The following DST variants were observed in gnomAD, a reference collection of about 807,000 sequenced individuals.
The protein encoded by DST is bullous pemphigoid antigen.
In DST, 253 loss-of-function variants were observed where a neutral mutation model predicts 875.2. The ratio of observed to expected loss-of-function variants is 0.29; its 90% CI spans 0.26 to 0.32. DST has a LOEUF of 0.32. Ranked by LOEUF, DST falls within the 10% of genes least tolerant of loss-of-function variation. The pLI is 1.00. For synonymous variants in DST, 3,124 were observed against 3,197.1 expected, an observed-to-expected ratio of 0.98 and a Z score of 0.77; for missense variants, 8,287 against 9,111.6, an observed-to-expected ratio of 0.91 and a Z score of 3.68.
At chr6:56,797,806 G>A (rs1364191755) in intron 4 of DST, among the ~76,000 whole-genome samples, 1 of 115,862 alleles carries the variant, frequency 8.6e-6, no homozygotes, top group East Asian at 2.7e-4. Flanking sequence ...TGACAAGAGC[G>A]AAACTCCGTC....
intron 2 of DST, among the ~76,000 whole-genome samples, chr6:56,948,031 A>T (rs1200938781): frequency 6.6e-6 from 1 of 152,042 alleles, no homozygotes; most frequent in Non-Finnish European, 1.5e-5. Context: ...TATGTTTTCT[A>T]TTCATGTCTT....
At chr6:56,667,650 A>G (rs1414187661) in intron 10 of DST, among the ~76,000 whole-genome samples, 1 of 152,198 alleles carries the variant, frequency 6.6e-6, no homozygotes, top group Admixed American at 6.5e-5. Flanking sequence ...ACATTGTTCT[A>G]AAAAGGTATT....
chr6:56,945,318 C>A (rs189682115), intron 2 of DST, among the ~76,000 whole-genome samples: 16 of 152,218 alleles, frequency 1.1e-4, no homozygotes, highest in Admixed American at 5.9e-4. Flanking sequence ...AATGGGAATA[C>A]AACGAAAGGC....
Position 56,616,990 on chromosome 6 carries a change from T to G in DST, c.4930-2506A>C, listed in dbSNP as rs762270622. The G allele has an allele frequency of 1.3e-5, 21 of 1,609,300 alleles. No individual in the cohort carries two copies. Among genetic ancestry groups the G allele is most frequent in the Non-Finnish European group, 1.8e-5 (21 of 1,177,270 alleles). ...AAGCCACCATTTTGTCTATTATGAT[T>G]CTCTCGGCCGCTGAGGCAAATGAAA... On this transcript the variant is annotated intron_variant, in intron 36 of 103. Transcript: ENST00000680361.
At chr6:56,836,886 A>AAAGAAAAAATT (rs957304403) in intron 4 of DST, among the ~76,000 whole-genome samples, 5 of 118,534 alleles carry the variant, frequency 4.2e-5, no homozygotes, top group African/African-American at 1.3e-4. Flanking sequence ...GAAAATAAAC[A>AAAGAAAAAATT]AAGAAAAAAT....
intron 5 of DST, among the ~76,000 whole-genome samples, chr6:56,713,359 G>C (rs1051663253): frequency 5.3e-5 from 8 of 152,130 alleles, no homozygotes; most frequent in African/African-American, 1.9e-4. Flanking sequence ...TGGGGCTTTT[G>C]TCAAATGAGC....
intron 4 of DST, among the ~76,000 whole-genome samples, chr6:56,820,180 C>A (rs966834823): frequency 6.6e-6 from 1 of 152,206 alleles, no homozygotes; most frequent in African/African-American, 2.4e-5. Context: ...TGTGATTCAA[C>A]TATAGCAACT....
intron 9 of DST, among the ~76,000 whole-genome samples, chr6:56,684,940 A>G (rs1158010991): frequency 6.6e-6 from 1 of 152,080 alleles, no homozygotes; most frequent in African/African-American, 2.4e-5. Flanking sequence ...GGGTCCATAA[A>G]AATTTTCCTC....
At chr6:56,871,393 G>C in intron 3 of DST, 1 of 1,365,204 alleles carries the variant, frequency 7.3e-7, no homozygotes. Flanking sequence ...GCTGGAGTTG[G>C]CAGGTGTGCC....
intron 33 of DST, 55 bp downstream of exon 33, chr6:56,627,944 G>A (rs931728339): frequency 3.3e-6 from 5 of 1,497,710 alleles, no homozygotes; most frequent in African/African-American, 2.8e-5. Flanking sequence ...AAGATGAGGA[G>A]CATGACTGAC....
chr6:56,505,616 A>G (rs1002789906), intron 77 of DST, among the ~76,000 whole-genome samples: 4 of 152,282 alleles, frequency 2.6e-5, no homozygotes, highest in Admixed American at 6.5e-5. Context: ...TTACAAATAT[A>G]GAAATGGAAT....
intron 2 of DST, among the ~76,000 whole-genome samples, chr6:56,916,987 TAAAAAAAAAAAAAAAAAA>T (rs1161421788): frequency 5.6e-5 from 2 of 35,544 alleles, no homozygotes; most frequent in Admixed American, 3.8e-4. Context: ...CCAGGCATGC[TAAAAAAAAAAAAAAAAAA>T]AAAAAAAAAA....
At chr6:56,509,993 T>TTTA in intron 73 of DST, 120 bp from the exon 74 acceptor site, 1 of 803,630 alleles carries the variant, frequency 1.2e-6, no homozygotes, top group Non-Finnish European at 1.9e-6. Flanking sequence ...TCTTAGCCTC[T>TTTA]TTATCAACAG....
chr6:56,493,644 A>T (rs2152443125), intron 83 of DST, among the ~76,000 whole-genome samples: 1 of 151,590 alleles, frequency 6.6e-6, no homozygotes, highest in South Asian at 2.1e-4. Flanking sequence ...CAATCATCTC[A>T]CTCTCTTGCT....
Position 56,605,579 on chromosome 6 carries a change from T to A in DST, c.9049A>T (p.Ile3017Leu). 6.2e-7 allele frequency: 1 copy of A among 1,613,182 alleles called. No homozygotes were observed. The highest frequency in any genetic ancestry group is 8.5e-7 in the Non-Finnish European group (1 of 1,179,388). The stretch of plus-strand genomic sequence containing the variant: ...GGATCTTTGTCAGTTACAGAGGCTA[T>A]CAATGACAAATGGCTTTCCTCAGCA... ...KPAEESHLSL[I>L]ASVTDKDPQG... Residue 3017 changes from isoleucine to leucine, a missense_variant, in exon 40 of 104, where the codon ATA (isoleucine) becomes TTA (leucine). Transcript: ENST00000680361.
At chr6:56,648,505 A>G in intron 13 of DST, 65 bp downstream of exon 13, 2 of 1,423,300 alleles carry the variant, frequency 1.4e-6, no homozygotes, top group South Asian at 3.0e-5. Flanking sequence ...TTACAGAATT[A>G]TTATAGCATT....
intron 4 of DST, among the ~76,000 whole-genome samples, chr6:56,791,288 G>A (rs180962891): frequency 6.6e-6 from 1 of 152,146 alleles, no homozygotes; most frequent in East Asian, 1.9e-4. Context: ...AAACAAATAA[G>A]ACTGGTAAAG....
chr6:56,669,330 T>C (rs1197911132), intron 10 of DST, among the ~76,000 whole-genome samples: 2 of 151,078 alleles, frequency 1.3e-5, no homozygotes, highest in Non-Finnish European at 2.9e-5. Flanking sequence ...ATATATAGTT[T>C]TCAGCCTGTA....
At chr6:56,797,954 ACT>A (rs1468648594) in intron 4 of DST, among the ~76,000 whole-genome samples, 5 of 152,150 alleles carry the variant, frequency 3.3e-5, no homozygotes, top group Non-Finnish European at 7.4e-5. Flanking sequence ...CAAGGTCGTA[ACT>A]CTCTTCAATT....
Sources: gnomAD v4.1 joint callset for allele counts (sites outside exome capture counted in the v4.1 genomes callset) on GRCh38, gnomAD v4.1.1 for gene constraint, MANE v1.5 for transcripts, NCBI Gene and HGNC (gene_info 2026-07-23, HGNC 2026-07-21) for gene names.